The following ZEB1 variants were observed in gnomAD, a reference collection of about 807,000 sequenced individuals.
ZEB1 encodes the protein zinc finger E-box binding homeobox 1.
In ZEB1, 21 loss-of-function variants were observed where a neutral mutation model predicts 84.9. The ratio of observed to expected loss-of-function variants is 0.25; its 90% CI spans 0.18 to 0.36. The LOEUF is 0.36. ZEB1 is among the 10% of genes least tolerant of loss of function. ZEB1 has a pLI of 1.00. For missense variants in ZEB1, 1,104 were observed against 1,330.2 expected, an observed-to-expected ratio of 0.83 and a Z score of 2.65; for synonymous variants, 420 against 471.1, an observed-to-expected ratio of 0.89 and a Z score of 1.41.
chr10:31,450,009 G>T (rs576851951), intron 1 of ZEB1, among the ~76,000 whole-genome samples: 4 of 152,298 alleles, frequency 2.6e-5, no homozygotes, highest in African/African-American at 9.6e-5. Context: ...GCTGTGATTT[G>T]AGCCAGGCAG....
chr10:31,326,692 G>A (rs987263587), intron 1 of ZEB1, among the ~76,000 whole-genome samples: 3 of 151,992 alleles, frequency 2.0e-5, no homozygotes, highest in East Asian at 1.9e-4. Context: ...TATCTAAGAC[G>A]GTAACAAGCA....
chr10:31,321,517 T>C (rs1345948205), intron 1 of ZEB1: 2 of 1,613,918 alleles, frequency 1.2e-6, no homozygotes, highest in East Asian at 4.5e-5. Context: ...CTGTTGCTGA[T>C]GTGGCTTTAT....
chr10:31,360,853 T>A, intron 1 of ZEB1: 1 of 889,388 alleles, frequency 1.1e-6, no homozygotes, highest in South Asian at 1.4e-5. Context: ...CATTTTGCAT[T>A]TACTAGTGCC....
At chr10:31,429,919 C>G (rs889086087) in intron 1 of ZEB1, among the ~76,000 whole-genome samples, 1 of 151,486 alleles carries the variant, frequency 6.6e-6, no homozygotes, top group African/African-American at 2.4e-5. Context: ...TTTTGTATTT[C>G]TAGCAGAGAC....
intron 1 of ZEB1, among the ~76,000 whole-genome samples, chr10:31,341,471 G>A (rs1264841464): frequency 1.3e-5 from 2 of 152,126 alleles, no homozygotes; most frequent in African/African-American, 4.8e-5. Context: ...ATCAGTTGAG[G>A]AGACAAACGG....
intron 1 of ZEB1, among the ~76,000 whole-genome samples, chr10:31,336,727 A>T (rs1401412015): frequency 6.6e-6 from 1 of 152,160 alleles, no homozygotes; most frequent in Non-Finnish European, 1.5e-5. Context: ...GTATTATAAG[A>T]TATTCAACCT....
intron 1 of ZEB1, among the ~76,000 whole-genome samples, chr10:31,388,377 T>C (rs1487519170): frequency 6.6e-6 from 1 of 152,052 alleles, no homozygotes; most frequent in African/African-American, 2.4e-5. Context: ...ACCATTAAAG[T>C]GGGGAGTAAT....
chr10:31,464,989 A>AGAG (rs1331118211), intron 2 of ZEB1, among the ~76,000 whole-genome samples: 1 of 152,232 alleles, frequency 6.6e-6, no homozygotes, highest in African/African-American at 2.4e-5. Flanking sequence ...ATAGTGAGAA[A>AGAG]GAATGAATAA....
chr10:31,411,656 A>AG (rs398013152), intron 1 of ZEB1, among the ~76,000 whole-genome samples: 8 of 148,620 alleles, frequency 5.4e-5, no homozygotes, highest in Non-Finnish European at 8.9e-5. Flanking sequence ...AAAAAAAAAA[A>AG]GCAGCATTAG....
chr10:31,455,913 A>G (rs2061155847), intron 1 of ZEB1, among the ~76,000 whole-genome samples: 1 of 152,230 alleles, frequency 6.6e-6, no homozygotes, highest in African/African-American at 2.4e-5. Context: ...CTCGGTATAT[A>G]CCCAAAGGAT....
intron 1 of ZEB1, among the ~76,000 whole-genome samples, chr10:31,336,068 A>G (rs776387519): frequency 3.3e-5 from 5 of 152,198 alleles, no homozygotes; most frequent in Non-Finnish European, 5.9e-5. Flanking sequence ...TAAAGATCTA[A>G]TTAAATAGCA....
At chr10:31,424,133 G>T (rs535604706) in intron 1 of ZEB1, among the ~76,000 whole-genome samples, 1 of 151,636 alleles carries the variant, frequency 6.6e-6, no homozygotes, top group South Asian at 2.1e-4. Flanking sequence ...AACATTTTAC[G>T]TTTTCTCTAA....
chr10:31,420,341 C>G (rs186111500), intron 1 of ZEB1, among the ~76,000 whole-genome samples: 1 of 152,220 alleles, frequency 6.6e-6, no homozygotes, highest in Admixed American at 6.5e-5. Flanking sequence ...AAGGTACCAG[C>G]CAGGCTACAT....
At position 31,389,284 on chromosome 10, in the gene ZEB1, TA is replaced by T. The variant is rs140953378; in HGVS notation, c.58+69993del. 1.6e-4 allele frequency among the ~76,000 whole-genome samples: 25 copies of T among 152,266 alleles called. No homozygotes were observed. The East Asian group carries it at 4.0e-3, about 25-fold the overall frequency. On this transcript the variant is annotated intron_variant, in intron 1 of 8. Coordinates refer to ENST00000424869, the MANE Select transcript of ZEB1 (RefSeq NM_001174096.2). The stretch of plus-strand genomic sequence containing the variant: ...TAGGAGGGAAAACCCAAAATAATGG[TA>T]CCGAGGGCTTCTTCCATTGAAACTA...
intron 1 of ZEB1, 27 bp from the exon 2 acceptor site, chr10:31,461,006 TTTGA>T: frequency 1.3e-6 from 2 of 1,580,084 alleles, no homozygotes; most frequent in African/African-American, 1.3e-5. Context: ...ACTAGTTGGT[TTTGA>T]TTATTTGTTT....
intron 1 of ZEB1, among the ~76,000 whole-genome samples, chr10:31,406,125 C>T (rs2135596390): frequency 6.6e-6 from 1 of 152,192 alleles, no homozygotes; most frequent in East Asian, 1.9e-4. Context: ...CAAGTTTTTG[C>T]TATTGTGAAC....
At chr10:31,403,573 T>G (rs1173470844) in intron 1 of ZEB1, among the ~76,000 whole-genome samples, 1 of 152,086 alleles carries the variant, frequency 6.6e-6, no homozygotes, top group African/African-American at 2.4e-5. Flanking sequence ...GAGACTAGTA[T>G]GTAAAAAGTT....
At chr10:31,496,618 C>A (rs146603599) in intron 3 of ZEB1, among the ~76,000 whole-genome samples, 1 of 151,986 alleles carries the variant, frequency 6.6e-6, no homozygotes, top group Non-Finnish European at 1.5e-5. Flanking sequence ...AAAACATTTC[C>A]TCAAAATATT....
At chr10:31,372,694 T>C (rs1259771280) in intron 1 of ZEB1, among the ~76,000 whole-genome samples, 2 of 152,066 alleles carry the variant, frequency 1.3e-5, no homozygotes, top group African/African-American at 2.4e-5. Context: ...AGTTAGCTTT[T>C]AGGTGAAGGC....
Sources: allele counts gnomAD v4.1 joint callset (sites outside exome capture counted in the v4.1 genomes callset), GRCh38; gene constraint gnomAD v4.1.1; transcripts MANE v1.5; gene names NCBI Gene and HGNC (gene_info 2026-07-23, HGNC 2026-07-21).